The following YPEL2 variants were observed in gnomAD, a reference collection of about 807,000 sequenced individuals.
The protein encoded by YPEL2 is protein yippee-like 2.
In YPEL2, 2 loss-of-function variants were observed where a neutral mutation model predicts 19.1. The ratio of observed to expected loss-of-function variants is 0.10; its 90% CI spans 0.04 to 0.33. The LOEUF (loss-of-function observed/expected upper bound fraction) is 0.33, where lower values mean the gene tolerates loss of function less well. YPEL2 is among the 10% of genes least tolerant of loss of function. The pLI, the probability that YPEL2 is intolerant of heterozygous loss-of-function variation, is 1.00. For missense variants in YPEL2, 66 were observed against 140.7 expected (o/e 0.47, Z 2.68); for synonymous variants, 52 against 50.0 (o/e 1.04, Z -0.17).
intron 4 of YPEL2, among the ~76,000 whole-genome samples, chr17:59,391,195 T>C (rs1159448385): frequency 6.6e-6 from 1 of 152,172 alleles, no homozygotes; most frequent in African/African-American, 2.4e-5. Flanking sequence ...GCTCATGAAC[T>C]GCCTCTGGCT....
intron 2 of YPEL2, among the ~76,000 whole-genome samples, chr17:59,367,130 T>G (rs1454481933): frequency 6.6e-6 from 1 of 152,228 alleles, no homozygotes; most frequent in Admixed American, 6.5e-5. Flanking sequence ...CTGGCTGATT[T>G]CTCATGTCTT....
intron 2 of YPEL2, among the ~76,000 whole-genome samples, chr17:59,385,134 A>G (rs1049404911): frequency 2.6e-5 from 4 of 152,240 alleles, no homozygotes; most frequent in East Asian, 3.8e-4. Context: ...TATAATATCC[A>G]TAGAATAGAG....
chr17:59,345,138 C>CT (rs1330343951), intron 1 of YPEL2: 9 of 152,244 alleles, frequency 5.9e-5, no homozygotes, highest in African/African-American at 1.9e-4. Context: ...CAGAGGAATA[C>CT]TTTCTCCTGA....
intron 1 of YPEL2, among the ~76,000 whole-genome samples, chr17:59,333,524 C>T (rs1812432874): frequency 1.3e-5 from 2 of 152,180 alleles, no homozygotes; most frequent in East Asian, 1.9e-4. Context: ...TTGAGTGGGA[C>T]CTGCACTGCA....
At chr17:59,392,666 A>C (rs569853117) in intron 4 of YPEL2, among the ~76,000 whole-genome samples, 7 of 151,574 alleles carry the variant, frequency 4.6e-5, no homozygotes, top group Non-Finnish European at 5.9e-5. Flanking sequence ...GTGCGCCACC[A>C]CGCCCAGCTA....
chr17:59,394,186 G>A (rs578185552), intron 4 of YPEL2, among the ~76,000 whole-genome samples: 3 of 151,764 alleles, frequency 2.0e-5, no homozygotes, highest in Admixed American at 6.6e-5. Flanking sequence ...CTGGCCGGGC[G>A]GGGGGCTGAC....
chr17:59,400,945 C>T lies in YPEL2; in HGVS notation c.*3755C>T, dbSNP rs1273982371. The T allele has an allele frequency of 6.6e-6, 1 of 152,524 alleles. No homozygotes were observed. The highest frequency in any genetic ancestry group is 1.5e-5 in the Non-Finnish European group (1 of 68,022). 9.4% of individuals were successfully genotyped at this position (152,524 alleles called of 1,614,324 possible). On this transcript the variant is annotated 3_prime_UTR_variant, in exon 5 of 5. Coordinates refer to ENST00000312655, the MANE Select transcript of YPEL2 (RefSeq NM_001005404.4). ...AGCTGTTGCGGGTTTGCTCCTTTTTCTTGCTTTGCGTGCTCAGTTTTTACA... is the reference window on the plus strand; with the variant it reads ...AGCTGTTGCGGGTTTGCTCCTTTTTTTTGCTTTGCGTGCTCAGTTTTTACA...
At chr17:59,345,871 A>T (rs1402542258) in intron 1 of YPEL2, among the ~76,000 whole-genome samples, 2 of 152,068 alleles carry the variant, frequency 1.3e-5, no homozygotes, top group Admixed American at 6.5e-5. Flanking sequence ...CTCCTGCAGG[A>T]GGTAGGCTCT....
In YPEL2 at chr17:59,357,839, C is replaced by T. The variant is rs567990346; in HGVS notation, c.117+4313C>T. 3.9e-5 allele frequency among the ~76,000 whole-genome samples: 6 copies of T among 152,230 alleles called. No individual in the cohort carries two copies. The East Asian group carries it at 5.8e-4, about 15-fold the overall frequency. ...GGATTAATCTATCACAGACCCACTT[C>T]GGGGCCCTGTGACTTCATGCCAACA... On this transcript the variant is annotated intron_variant, in intron 2 of 4. Coordinates refer to ENST00000312655, the MANE Select transcript of YPEL2 (RefSeq NM_001005404.4).
intron 2 of YPEL2, among the ~76,000 whole-genome samples, chr17:59,369,761 TGTA>T (rs1437787777): frequency 6.6e-6 from 1 of 152,226 alleles, no homozygotes; most frequent in Non-Finnish European, 1.5e-5. Flanking sequence ...ACTTTACACT[TGTA>T]GTAGTTCCCT....
intron 4 of YPEL2, among the ~76,000 whole-genome samples, chr17:59,392,508 T>A (rs7221951): frequency 1.2e-5 from 1 of 80,698 alleles, no homozygotes; most frequent in African/African-American, 6.9e-5. Context: ...TCAGGGCACG[T>A]TTTTTTTTTT....
At chr17:59,372,328 GC>G (rs1334475723) in intron 2 of YPEL2, among the ~76,000 whole-genome samples, 2 of 152,152 alleles carry the variant, frequency 1.3e-5, no homozygotes, top group East Asian at 3.9e-4. Flanking sequence ...TAGGCTTGTG[GC>G]TGACCTTTCC....
chr17:59,387,027 G>A lies in YPEL2; in HGVS notation c.118-1300G>A, dbSNP rs140719618. Among the ~76,000 whole-genome samples, 691 of 152,156 alleles carry A rather than the reference G, an allele frequency of 4.5e-3. 6 individuals are homozygous for A. The highest frequency in any genetic ancestry group is 0.016 in the African/African-American group (665 of 41,520). Reference sequence around the variant, plus strand: ...TGTAATCCCAGTACTTTGGGAGGCCGAGGCGGGTGGATCACCAAGGTCAGG... The same window carrying A: ...TGTAATCCCAGTACTTTGGGAGGCCAAGGCGGGTGGATCACCAAGGTCAGG... On this transcript the variant is annotated intron_variant, in intron 2 of 4. Coordinates refer to ENST00000312655, the MANE Select transcript of YPEL2 (RefSeq NM_001005404.4).
intron 2 of YPEL2, chr17:59,363,117 G>C (rs1204146460): frequency 6.6e-6 from 1 of 151,838 alleles, no homozygotes; most frequent in Non-Finnish European, 1.5e-5. Flanking sequence ...AGCTACTATT[G>C]ATTGAACACC....
intron 2 of YPEL2, among the ~76,000 whole-genome samples, chr17:59,368,074 G>A (rs1425269274): frequency 1.3e-5 from 2 of 152,060 alleles, no homozygotes. Flanking sequence ...TACAAATACA[G>A]AAATGGATGA....
Position 59,365,421 on chromosome 17 carries a change from A to T in YPEL2, c.117+11895A>T, listed in dbSNP as rs371987293. ...GCCTGTCCCTGCCTCCTTCCCTTTTAGTCTGTCAGGTGGTTACTGTGCCTC... is the reference window on the plus strand; with the variant it reads ...GCCTGTCCCTGCCTCCTTCCCTTTTTGTCTGTCAGGTGGTTACTGTGCCTC... On this transcript the variant is annotated intron_variant, in intron 2 of 4. Transcript: ENST00000312655. Among the ~76,000 whole-genome samples the T allele has an allele frequency of 6.0e-4, 91 of 152,236 alleles. 1 individual carries two copies. The South Asian group carries it at 0.015, about 25-fold the overall frequency.
chr17:59,352,559 T>TA (rs1266058861), intron 1 of YPEL2, among the ~76,000 whole-genome samples: 2 of 152,174 alleles, frequency 1.3e-5, no homozygotes, highest in Non-Finnish European at 2.9e-5. Flanking sequence ...TCATTTGGTT[T>TA]AAAAAAATGT....
At chr17:59,396,179 TC>T (rs1392392250) in intron 4 of YPEL2, among the ~76,000 whole-genome samples, 2 of 152,192 alleles carry the variant, frequency 1.3e-5, no homozygotes, top group Non-Finnish European at 2.9e-5. Flanking sequence ...AGGGCAAACT[TC>T]CGTTAGCACC....
intron 2 of YPEL2, among the ~76,000 whole-genome samples, chr17:59,367,488 A>G (rs1234830902): frequency 6.6e-6 from 1 of 152,242 alleles, no homozygotes; most frequent in Non-Finnish European, 1.5e-5. Context: ...CACAGAGAAT[A>G]TATAAACAAA....
Sources: allele counts gnomAD v4.1 joint callset (sites outside exome capture counted in the v4.1 genomes callset), GRCh38; gene constraint gnomAD v4.1.1; transcripts MANE v1.5; gene names NCBI Gene and HGNC (gene_info 2026-07-23, HGNC 2026-07-21).